The following FBN2 variants were observed in gnomAD, a reference collection of about 807,000 sequenced individuals.
The protein encoded by FBN2 is fibrillin-2.
Under a neutral mutation model 355.6 loss-of-function variants are expected in FBN2, and 105 were observed. That is an observed-to-expected ratio of 0.30 (90% CI 0.25 to 0.35). FBN2 has a LOEUF of 0.35. FBN2 is among the 10% of genes least tolerant of loss of function. The pLI is 1.00. For missense variants in FBN2, 3,280 were observed against 3,758.7 expected (o/e 0.87, Z 3.33); for synonymous variants, 1,350 against 1,301.2 (o/e 1.04, Z -0.81).
intron 2 of FBN2, among the ~76,000 whole-genome samples, chr5:128,532,281 T>C (rs1756729763): frequency 6.6e-6 from 1 of 152,166 alleles, no homozygotes. Context: ...GGCATTTTGA[T>C]GGTGGGGAGA....
intron 9 of FBN2, 70 bp from the exon 10 acceptor site, chr5:128,393,438 C>T: frequency 7.5e-7 from 1 of 1,325,032 alleles, no homozygotes; most frequent in South Asian, 1.2e-5. Flanking sequence ...CATTGGTACA[C>T]TGTACTAAGT....
rs184870829 is a variant in FBN2 at position 128,375,634 on chromosome 5, T to C, written c.1973-884A>G. On this transcript the variant is annotated intron_variant, in intron 14 of 64. Coordinates refer to ENST00000262464, the MANE Select transcript of FBN2 (RefSeq NM_001999.4). ...GAATTTCATTGTAATTCATTGAAAT[T>C]ATAAGAATTGAGCATGATCCTTATC... Among the ~76,000 whole-genome samples the C allele has an allele frequency of 5.3e-5, 8 of 152,330 alleles. No individual in the cohort carries two copies. In the East Asian group the frequency reaches 1.5e-3, roughly 29 times the overall value.
Position 128,335,160 on chromosome 5 carries a change from T to C in FBN2, c.3973+10A>G. 1.9e-6 allele frequency: 3 copies of C among 1,614,126 alleles called. No homozygotes were observed. Among genetic ancestry groups the C allele is most frequent in the Non-Finnish European group, 2.5e-6 (3 of 1,180,008 alleles). On this transcript the variant is annotated intron_variant, in intron 30 of 64. Transcript: ENST00000262464. ...GTGTATAAATGTTTATCCTTTCTTA[T>C]GATACCCACCAATGCATGTTTTCAT...
intron 7 of FBN2, among the ~76,000 whole-genome samples, chr5:128,420,125 T>A (rs1012709223): frequency 2.0e-5 from 3 of 152,198 alleles, no homozygotes; most frequent in African/African-American, 7.2e-5. Context: ...AAAAAATGTA[T>A]TTCATGAGTT....
intron 6 of FBN2, among the ~76,000 whole-genome samples, chr5:128,456,216 C>T (rs912611914): frequency 2.6e-5 from 4 of 151,836 alleles, no homozygotes; most frequent in Non-Finnish European, 5.9e-5. Flanking sequence ...AACCCTGACC[C>T]ATCCTTCCTC....
intron 7 of FBN2, among the ~76,000 whole-genome samples, chr5:128,422,863 T>C (rs1396702093): frequency 6.6e-6 from 1 of 152,062 alleles, no homozygotes; most frequent in Non-Finnish European, 1.5e-5. Flanking sequence ...ATCCTTTTTT[T>C]CCAAACACAT....
At chr5:128,275,971 T>A in intron 59 of FBN2, 67 bp downstream of exon 59, 8 of 1,553,812 alleles carry the variant, frequency 5.1e-6, no homozygotes, top group Non-Finnish European at 7.1e-6. Context: ...TTCCTGATAA[T>A]CTAATATTTA....
At chr5:128,323,017 T>C (rs1434974345) in intron 34 of FBN2, among the ~76,000 whole-genome samples, 1 of 152,190 alleles carries the variant, frequency 6.6e-6, no homozygotes, top group Non-Finnish European at 1.5e-5. Context: ...CTATGTATTT[T>C]ATTCTCTTTG....
intron 36 of FBN2, among the ~76,000 whole-genome samples, chr5:128,315,820 G>T (rs1045680529): frequency 7.9e-5 from 12 of 152,184 alleles, no homozygotes; most frequent in Non-Finnish European, 7.4e-5. Context: ...AAGTGGATGA[G>T]AATACTGTAT....
intron 24 of FBN2, among the ~76,000 whole-genome samples, chr5:128,344,930 A>G (rs1351865306): frequency 2.6e-5 from 4 of 151,902 alleles, no homozygotes; most frequent in Non-Finnish European, 5.9e-5. Context: ...TGAACTCCTG[A>G]CCTCAGGTGA....
chr5:128,440,725 A>G (rs1307638147), intron 7 of FBN2, among the ~76,000 whole-genome samples: 4 of 152,214 alleles, frequency 2.6e-5, no homozygotes, highest in Non-Finnish European at 5.9e-5. Context: ...AAGACCTGCA[A>G]TTACAATTCT....
rs1307051859 is a variant in FBN2, at chr5:128,259,815, G to A, written c.8379C>T (p.Ser2793=). The A allele has an allele frequency of 1.2e-6, 2 of 1,613,526 alleles. No individual in the cohort carries two copies. The highest frequency in any genetic ancestry group is 1.7e-6 in the Non-Finnish European group (2 of 1,179,916). ...GGCTGTCCATGTCGACACTCTCTAG[G>A]CTGATCTGTTCAACCTGGAGGAAGA... is the stretch of plus-strand genomic sequence containing the variant. The part of the protein sequence containing the change: ...EPDPTAVEQI[S]LESVDMDSPV... The change falls in exon 65 of 65, where the codon AGC becomes AGT. Residue 2793 remains serine (S), a synonymous_variant. Coordinates refer to ENST00000262464, the MANE Select transcript of FBN2 (RefSeq NM_001999.4).
chr5:128,344,861 C>A (rs947860729), intron 24 of FBN2, among the ~76,000 whole-genome samples: 1 of 152,040 alleles, frequency 6.6e-6, no homozygotes, highest in Non-Finnish European at 1.5e-5. Flanking sequence ...CCACCACGCC[C>A]GGCTAATTTT....
intron 3 of FBN2, among the ~76,000 whole-genome samples, chr5:128,528,834 G>T (rs1756635560): frequency 6.6e-6 from 1 of 152,238 alleles, no homozygotes. Flanking sequence ...GCAGAGAACG[G>T]ATTTGAAGAG....
chr5:128,467,433 A>G (rs1386160703), intron 5 of FBN2, among the ~76,000 whole-genome samples: 1 of 152,186 alleles, frequency 6.6e-6, no homozygotes, highest in African/African-American at 2.4e-5. Context: ...TACTAATTCA[A>G]GAATTACTAC....
At chr5:128,429,772 T>A (rs1468363670) in intron 7 of FBN2, among the ~76,000 whole-genome samples, 2 of 152,168 alleles carry the variant, frequency 1.3e-5, no homozygotes, top group Non-Finnish European at 2.9e-5. Flanking sequence ...AGAAAAACAT[T>A]CCATGTGGGA....
At chr5:128,346,345 T>G (rs1751182117) in intron 23 of FBN2, among the ~76,000 whole-genome samples, 1 of 152,224 alleles carries the variant, frequency 6.6e-6, no homozygotes, top group African/African-American at 2.4e-5. Context: ...AGCACTTGGC[T>G]GTTTAATTAC....
chr5:128,306,065 A>G, intron 42 of FBN2, 117 bp from the exon 43 acceptor site: 1 of 1,014,008 alleles, frequency 9.9e-7, no homozygotes, highest in South Asian at 1.3e-5. Context: ...TGTCACAAAA[A>G]TCTATTATAT....
At position 128,272,000 on chromosome 5, in the gene FBN2, G is replaced by A. The variant is rs773175830; in HGVS notation, c.7959C>T (p.Val2653=). The A allele has an allele frequency of 8.7e-6, 14 of 1,613,674 alleles. No individual in the cohort carries two copies. The highest frequency in any genetic ancestry group is 3.3e-5 in the Admixed American group (2 of 59,978). The stretch of plus-strand genomic sequence containing the variant: ...GCGATGGAAGAAAAGAGCACTCACC[G>A]ACACACTGATTCCACTGGTAGTGCT... ...YIQHYQWNQC[V]DENECSNPNA... is the part of the protein sequence containing the mutation. The change falls in exon 62 of 65, where the codon GTC becomes GTT. Residue 2653 remains valine, a splice_region_variant and synonymous_variant. Transcript: ENST00000262464.
Sources: gnomAD v4.1 joint callset for allele counts (sites outside exome capture counted in the v4.1 genomes callset) on GRCh38, gnomAD v4.1.1 for gene constraint, MANE v1.5 for transcripts, NCBI Gene and HGNC (gene_info 2026-07-23, HGNC 2026-07-21) for gene names.